FBRSL1: variants seen among roughly 807,000 people sequenced by gnomAD.
FBRSL1 encodes the protein fibrosin-1-like protein.
A neutral mutation model predicts 89.6 loss-of-function variants in FBRSL1; 51 were observed. The ratio of observed to expected loss-of-function variants is 0.57; its 90% CI spans 0.45 to 0.72. The LOEUF is 0.72. Ranked by LOEUF, FBRSL1 falls within the 30% of genes least tolerant of loss-of-function variation. The pLI is 0.00. For synonymous variants in FBRSL1, 779 were observed against 681.1 expected, an observed-to-expected ratio of 1.14 and a Z score of -2.24; for missense variants, 1,618 against 1,451.8, an observed-to-expected ratio of 1.11 and a Z score of -1.86.
In FBRSL1 at chr12:132,574,618, C is replaced by A; in HGVS notation, c.1701+54C>A. 3 of 1,528,722 alleles carry A rather than the reference C, an allele frequency of 2.0e-6. No homozygotes were observed. In the South Asian group the frequency reaches 3.7e-5, roughly 19 times the overall value. 94.7% of individuals were successfully genotyped at this position (1,528,722 alleles called of 1,614,324 possible). ...CTTGTGAACCCGACTCCAGCCTGGT[C>A]GGGCCCTGAAGGCCAGGCATGAGGC... On this transcript the variant is annotated intron_variant, in intron 14 of 18. Coordinates refer to ENST00000680143, the MANE Select transcript of FBRSL1 (RefSeq NM_001367871.1).
chr12:132,561,774 A>G (rs928715689), intron 5 of FBRSL1, among the ~76,000 whole-genome samples: 17 of 152,190 alleles, frequency 1.1e-4, no homozygotes, highest in African/African-American at 3.6e-4. Context: ...TGAGGGGTCC[A>G]GAAGTCCTCC....
At chr12:132,582,310 C>G (rs1201198562) in intron 18 of FBRSL1, 44 bp downstream of exon 18, 1 of 1,490,082 alleles carries the variant, frequency 6.7e-7, no homozygotes, top group East Asian at 2.5e-5. Flanking sequence ...ACACCCCTAC[C>G]CCGTTCTTTC....
intron 1 of FBRSL1, among the ~76,000 whole-genome samples, chr12:132,493,746 T>G (rs1198330651): frequency 6.6e-6 from 1 of 152,218 alleles, no homozygotes; most frequent in Non-Finnish European, 1.5e-5. Context: ...TAGGCCGTTC[T>G]GTGCCCGGGG....
At chr12:132,545,927 C>T (rs1374886141) in intron 4 of FBRSL1, among the ~76,000 whole-genome samples, 1 of 152,222 alleles carries the variant, frequency 6.6e-6, no homozygotes, top group Non-Finnish European at 1.5e-5. Flanking sequence ...GCACCTGACT[C>T]CCCTGCAGGC....
At chr12:132,571,032 C>CG (rs1566228285) in intron 8 of FBRSL1, 36 bp from the exon 9 acceptor site, 1 of 1,282,804 alleles carries the variant, frequency 7.8e-7, no homozygotes. Flanking sequence ...CCCTGGCTCC[C>CG]GGGGAGGGGC....
At chr12:132,510,725 T>C in intron 2 of FBRSL1, 1 of 1,207,856 alleles carries the variant, frequency 8.3e-7, no homozygotes, top group Non-Finnish European at 1.0e-6. Context: ...ATGCTCCCTC[T>C]CCCCCCACTG....
At chr12:132,582,345 C>T in intron 18 of FBRSL1, 79 bp downstream of exon 18, 1 of 1,278,406 alleles carries the variant, frequency 7.8e-7, no homozygotes, top group Non-Finnish European at 1.1e-6. Flanking sequence ...CCCCGGTTCC[C>T]CCTCCCCCGT....
chr12:132,571,915 A>G, intron 9 of FBRSL1: 1 of 349,122 alleles, frequency 2.9e-6, no homozygotes, highest in South Asian at 6.8e-5. Flanking sequence ...TGGGGGCTGG[A>G]GTCCCCTCCA....
chr12:132,567,620 A>G, intron 6 of FBRSL1, 94 bp downstream of exon 6: 1 of 1,326,016 alleles, frequency 7.5e-7, no homozygotes, highest in South Asian at 1.3e-5. Flanking sequence ...AAGTCAGGGG[A>G]GAGATGGTCT....
Position 132,550,058 on chromosome 12 carries a change from C to G in FBRSL1, c.645+2026C>G, listed in dbSNP as rs972969439. Among the ~76,000 whole-genome samples, 4 of 151,808 alleles carry G rather than the reference C, an allele frequency of 2.6e-5. No individual in the cohort carries two copies. The South Asian group carries it at 8.3e-4, about 31-fold the overall frequency. On this transcript the variant is annotated intron_variant, in intron 5 of 18. Coordinates refer to ENST00000680143, the MANE Select transcript of FBRSL1 (RefSeq NM_001367871.1). ...GTCCCGGCAGGGCGAGTTTGGCATTCCTGCACACGGAGGGTCCCGGCAGGG... is the reference window on the plus strand; with the variant it reads ...GTCCCGGCAGGGCGAGTTTGGCATTGCTGCACACGGAGGGTCCCGGCAGGG...
At chr12:132,521,582 G>C (rs1206013337) in intron 2 of FBRSL1, among the ~76,000 whole-genome samples, 1 of 152,204 alleles carries the variant, frequency 6.6e-6, no homozygotes, top group Non-Finnish European at 1.5e-5. Context: ...GAGGCATCGT[G>C]GCCGGCCAGT....
chr12:132,572,551 A>G lies in FBRSL1; in HGVS notation c.1459A>G (p.Ile487Val). The change falls in exon 11 of 19, where the codon ATC (isoleucine) becomes GTC (valine). Residue 487 changes from isoleucine (I) to valine (V), a missense_variant. Coordinates refer to ENST00000680143, the MANE Select transcript of FBRSL1 (RefSeq NM_001367871.1). ...GTTCTTCCCGTCCTTCCCTCCTGCC[A>G]TCCCGGGACTGCCCACCCTGCTCCC... ...VSFFPSFPPA[I>V]PGLPTLLPHP... 1 of 1,550,978 alleles carries G rather than the reference A, an allele frequency of 6.4e-7. No individual in the cohort carries two copies. The highest frequency in any genetic ancestry group is 8.7e-7 in the Non-Finnish European group (1 of 1,146,618).
intron 9 of FBRSL1, 128 bp from the exon 10 acceptor site, chr12:132,572,160 C>T (rs2040067563): frequency 4.9e-6 from 4 of 810,096 alleles, no homozygotes; most frequent in African/African-American, 3.4e-5. Flanking sequence ...GACGGCTGGC[C>T]GAAGCCGCCA....
chr12:132,557,950 G>A (rs569195604), intron 5 of FBRSL1, among the ~76,000 whole-genome samples: 1 of 152,284 alleles, frequency 6.6e-6, no homozygotes, highest in South Asian at 2.1e-4. Flanking sequence ...GAGGGGACTG[G>A]GGATGGCATC....
At chr12:132,509,204 C>A in intron 2 of FBRSL1, 1 of 1,248,496 alleles carries the variant, frequency 8.0e-7, no homozygotes, top group Non-Finnish European at 1.0e-6. Context: ...CAGCCAGCCA[C>A]TGGGACCAGA....
intron 1 of FBRSL1, 60 bp downstream of exon 1, chr12:132,490,921 C>T: frequency 8.8e-7 from 1 of 1,134,658 alleles, no homozygotes. Flanking sequence ...GGAGTTGACG[C>T]GTCGGGCGAT....
Position 132,548,157 on chromosome 12 carries a change from G to A in FBRSL1, c.645+125G>A, listed in dbSNP as rs1044097371. On this transcript the variant is annotated intron_variant, in intron 5 of 18. Coordinates refer to ENST00000680143, the MANE Select transcript of FBRSL1 (RefSeq NM_001367871.1). ...GGGCCTTGGGGGGATCCCCCCGCCC[G>A]GTGGGTGCAGGGGGCTTGTGGCCTC... 406 of 1,167,324 alleles carry A rather than the reference G, an allele frequency of 3.5e-4. 1 individual carries two copies. The highest frequency in any genetic ancestry group is 6.6e-4 in the South Asian group (46 of 69,434). 72.3% of individuals were successfully genotyped at this position (1,167,324 alleles called of 1,614,324 possible). A position where few individuals can be genotyped will look rare whatever the true frequency, so the allele number is the denominator to read the frequency against.
chr12:132,509,882 C>T (rs2034133362), intron 2 of FBRSL1: 3 of 1,231,230 alleles, frequency 2.4e-6, no homozygotes, highest in East Asian at 3.2e-5. Flanking sequence ...CCGCCAGCTT[C>T]CTCCCAGGAC....
intron 5 of FBRSL1, among the ~76,000 whole-genome samples, chr12:132,561,129 G>C (rs2039088710): frequency 6.6e-6 from 1 of 152,204 alleles, no homozygotes. Flanking sequence ...CAGGTGTTCA[G>C]GTTCTCACTG....
Sources: gnomAD v4.1 joint callset for allele counts (sites outside exome capture counted in the v4.1 genomes callset) on GRCh38, gnomAD v4.1.1 for gene constraint, MANE v1.5 for transcripts, NCBI Gene and HGNC (gene_info 2026-07-23, HGNC 2026-07-21) for gene names.